BIRC6: variants seen among roughly 807,000 people sequenced by gnomAD.
BIRC6 encodes baculoviral IAP repeat containing 6.
In BIRC6, 98 loss-of-function variants were observed where a neutral mutation model predicts 503.3. The observed-to-expected ratio is 0.19, with a 90% confidence interval of 0.17 to 0.23. BIRC6 has a LOEUF of 0.23. Ranked by LOEUF, BIRC6 falls within the 10% of genes least tolerant of loss-of-function variation. The pLI is 1.00. For missense variants in BIRC6, 5,360 were observed against 5,806.0 expected, an observed-to-expected ratio of 0.92 and a Z score of 2.50; for synonymous variants, 2,240 against 2,078.7, an observed-to-expected ratio of 1.08 and a Z score of -2.11.
rs181345444 is a variant in BIRC6, at chr2:32,414,442, G to A, written c.1478-327G>A. Among the ~76,000 whole-genome samples the A allele has an allele frequency of 1.4e-4, 22 of 152,254 alleles. No individual in the cohort carries two copies. In the South Asian group the frequency reaches 3.1e-3, roughly 22 times the overall value. On this transcript the variant is annotated intron_variant, in intron 9 of 73. Transcript: ENST00000421745. ...AGCACTTTGGGAGGCTGAGGTGGGT[G>A]GATCACCTGAGGTCAGGAGTTTGAG...
intron 57 of BIRC6, among the ~76,000 whole-genome samples, chr2:32,520,470 A>G (rs1048021311): frequency 1.3e-5 from 2 of 152,226 alleles, no homozygotes; most frequent in African/African-American, 2.4e-5. Context: ...AGTATTTTCT[A>G]TCAGTTTCCT....
intron 65 of BIRC6, among the ~76,000 whole-genome samples, chr2:32,569,759 T>C (rs750445966): frequency 1.3e-5 from 2 of 152,182 alleles, no homozygotes; most frequent in African/African-American, 2.4e-5. Context: ...ATAGAAACAT[T>C]ACTGGTTTTC....
At chr2:32,532,530 C>T (rs1300317335) in intron 61 of BIRC6, among the ~76,000 whole-genome samples, 1 of 152,096 alleles carries the variant, frequency 6.6e-6, no homozygotes, top group Non-Finnish European at 1.5e-5. Flanking sequence ...TCCTGCAAAC[C>T]ATTATCTCCT....
intron 21 of BIRC6, among the ~76,000 whole-genome samples, chr2:32,447,665 T>A (rs1207002768): frequency 1.3e-4 from 7 of 52,498 alleles, no homozygotes; most frequent in South Asian, 8.9e-4. Context: ...TGACCCCCCC[T>A]CCCCCCTCCC....
chr2:32,472,843 C>T (rs6543656), intron 32 of BIRC6: 249,329 of 250,944 alleles, frequency 0.99, 123,883 homozygotes, highest in Middle Eastern at 1. Context: ...ATCTTAATTG[C>T]GGAGGAAAAT....
intron 9 of BIRC6, among the ~76,000 whole-genome samples, chr2:32,412,212 A>G (rs2041961908): frequency 6.6e-6 from 1 of 152,126 alleles, no homozygotes; most frequent in African/African-American, 2.4e-5. Flanking sequence ...AATAGAAAAA[A>G]GGTCAGCAGG....
chr2:32,468,791 T>C lies in BIRC6; in HGVS notation c.6127+8T>C. The C allele has an allele frequency of 6.4e-7, 1 of 1,562,180 alleles. No homozygotes were observed. Among genetic ancestry groups the C allele is most frequent in the South Asian group, 1.2e-5 (1 of 85,524 alleles). On this transcript the variant is annotated splice_region_variant and intron_variant, in intron 29 of 73. Coordinates refer to ENST00000421745, the MANE Select transcript of BIRC6 (RefSeq NM_016252.4). Reference sequence around the variant, plus strand: ...TGCTTCATGCTTCTAATGGTTTGTATTTGGCTTACATATTTTAAAGGCTGG... The same window carrying C: ...TGCTTCATGCTTCTAATGGTTTGTACTTGGCTTACATATTTTAAAGGCTGG...
At chr2:32,538,439 C>A (rs2057406600) in intron 61 of BIRC6, among the ~76,000 whole-genome samples, 1 of 151,838 alleles carries the variant, frequency 6.6e-6, no homozygotes, top group Admixed American at 6.6e-5. Context: ...ATGGCCCATA[C>A]ATTAGGAATA....
At chr2:32,366,788 G>A (rs2034993453) in intron 1 of BIRC6, among the ~76,000 whole-genome samples, 1 of 151,616 alleles carries the variant, frequency 6.6e-6, no homozygotes, top group Admixed American at 6.6e-5. Context: ...TTTGAGACCA[G>A]CCTGGGCAAC....
chr2:32,399,486 G>A (rs921794945), intron 6 of BIRC6, among the ~76,000 whole-genome samples: 5 of 152,208 alleles, frequency 3.3e-5, no homozygotes, highest in African/African-American at 9.6e-5. Context: ...TCATATTCTT[G>A]GGCTTAAGCA....
At chr2:32,378,825 T>C (rs1166724140) in intron 2 of BIRC6, 1 of 152,248 alleles carries the variant, frequency 6.6e-6, no homozygotes, top group East Asian at 1.9e-4. Context: ...TAGCCATATA[T>C]ACTTTTCTGT....
intron 16 of BIRC6, among the ~76,000 whole-genome samples, chr2:32,440,272 C>G (rs79056714): frequency 0.013 from 2,002 of 152,198 alleles, 49 homozygotes; most frequent in African/African-American, 0.046. Context: ...TATTTTAGAC[C>G]ATAATATTTA....
intron 6 of BIRC6, among the ~76,000 whole-genome samples, chr2:32,398,744 T>G (rs2040262119): frequency 6.6e-6 from 1 of 152,114 alleles, no homozygotes; most frequent in Non-Finnish European, 1.5e-5. Context: ...GTAACTTATA[T>G]AAATAAAATT....
chr2:32,562,679 A>G (rs1004422943), intron 65 of BIRC6, among the ~76,000 whole-genome samples: 2 of 152,204 alleles, frequency 1.3e-5, no homozygotes, highest in Admixed American at 1.3e-4. Flanking sequence ...AATGTCATAT[A>G]GTTGTAATCA....
At chr2:32,502,713 A>G in intron 47 of BIRC6, 82 bp from the exon 48 acceptor site, 2 of 1,023,294 alleles carry the variant, frequency 2.0e-6, no homozygotes, top group South Asian at 1.8e-5. Context: ...AAAATTAACT[A>G]GGAAGGAATA....
chr2:32,574,413 C>G (rs775491064), intron 65 of BIRC6, among the ~76,000 whole-genome samples: 2 of 152,004 alleles, frequency 1.3e-5, no homozygotes, highest in Non-Finnish European at 2.9e-5. Context: ...TCACAGTGTC[C>G]GGCCCCAAGT....
rs770811548 is a variant in BIRC6, at chr2:32,463,245, T to C, written c.4805T>C (p.Val1602Ala). The change falls in exon 24 of 74, where the codon GTT becomes GCT. Residue 1602 changes from valine (V) to alanine (A), a missense_variant. Val to Ala is a moderately conservative substitution (Grantham distance 64). Coordinates refer to ENST00000421745, the MANE Select transcript of BIRC6 (RefSeq NM_016252.4). ...GTAGGTGGACTATCATCTGGGACAG[T>C]TGGGGAAGCCTCGACAGCCCTGAGT... ...PAVGGLSSGT[V>A]GEASTALSSA... 2.2e-5 allele frequency: 36 copies of C among 1,613,516 alleles called. No homozygotes were observed. The highest frequency in any genetic ancestry group is 2.1e-4 in the South Asian group (19 of 90,992).
chr2:32,485,794 G>C (rs775529153), intron 40 of BIRC6, 35 bp downstream of exon 40: 5 of 1,319,240 alleles, frequency 3.8e-6, no homozygotes, highest in Non-Finnish European at 5.4e-6. Context: ...GTATTGCAGT[G>C]AATGATTCAG....
At chr2:32,430,366 GA>G (rs1323796201) in intron 11 of BIRC6, among the ~76,000 whole-genome samples, 1 of 152,054 alleles carries the variant, frequency 6.6e-6, no homozygotes, top group Non-Finnish European at 1.5e-5. Flanking sequence ...CACAGAAATA[GA>G]AAAAACAATT....
Sources: gnomAD v4.1 joint callset for allele counts (sites outside exome capture counted in the v4.1 genomes callset) on GRCh38, gnomAD v4.1.1 for gene constraint, MANE v1.5 for transcripts, NCBI Gene and HGNC (gene_info 2026-07-23, HGNC 2026-07-21) for gene names.